Variants in VAV1 observed in about 807,000 individuals in gnomAD.
VAV1 encodes the protein proto-oncogene vav.
In VAV1, 33 loss-of-function variants were observed where a neutral mutation model predicts 128.1. That is an observed-to-expected ratio of 0.26 (90% CI 0.20 to 0.34). The LOEUF (loss-of-function observed/expected upper bound fraction) is 0.34. VAV1 is among the 10% of genes least tolerant of loss of function. The pLI is 1.00. For synonymous variants in VAV1, 394 were observed against 409.8 expected (o/e 0.96, Z 0.47); for missense variants, 715 against 1,093.7 (o/e 0.65, Z 4.88).
chr19:6,786,458 C>T (rs193256963), intron 1 of VAV1, among the ~76,000 whole-genome samples: 96 of 151,652 alleles, frequency 6.3e-4, no homozygotes, highest in East Asian at 2.1e-3. Context: ...CAAGCCCGTC[C>T]CTGTAAAATA....
intron 14 of VAV1, among the ~76,000 whole-genome samples, chr19:6,831,601 C>T (rs1189841025): frequency 2.0e-5 from 3 of 152,286 alleles, no homozygotes; most frequent in Admixed American, 6.5e-5. Flanking sequence ...TGTAAGCCAC[C>T]GCGCCCGGCT....
intron 23 of VAV1, 22 bp from the exon 24 acceptor site, chr19:6,850,648 C>T: frequency 6.2e-7 from 1 of 1,609,350 alleles, no homozygotes. Context: ...AGACTCAGGG[C>T]CCGGTGACCA....
intron 1 of VAV1, among the ~76,000 whole-genome samples, chr19:6,791,163 C>T (rs748233422): frequency 1.3e-5 from 2 of 152,216 alleles, no homozygotes; most frequent in African/African-American, 4.8e-5. Context: ...AATATCTCCT[C>T]ATCTTGAAGT....
chr19:6,816,242 G>A (rs935081129), intron 1 of VAV1, among the ~76,000 whole-genome samples: 4 of 151,912 alleles, frequency 2.6e-5, no homozygotes, highest in African/African-American at 7.3e-5. Flanking sequence ...GGATGGTCTC[G>A]ATCTCCTGAC....
intron 19 of VAV1, 52 bp from the exon 20 acceptor site, chr19:6,836,380 G>C (rs896784247): frequency 1.3e-6 from 2 of 1,573,638 alleles, no homozygotes; most frequent in African/African-American, 2.7e-5. Context: ...GCAAGATTCA[G>C]GGTTGAAAGT....
At chr19:6,825,446 C>T (rs1971896202) in intron 8 of VAV1, 40 bp downstream of exon 8, 1 of 1,559,714 alleles carries the variant, frequency 6.4e-7, no homozygotes, top group Non-Finnish European at 8.8e-7. Context: ...TGGGGTCACT[C>T]TGTCTTGCCT....
intron 1 of VAV1, among the ~76,000 whole-genome samples, chr19:6,819,784 G>A (rs78261929): frequency 0.048 from 7,313 of 152,288 alleles, 251 homozygotes; most frequent in Middle Eastern, 0.092. Flanking sequence ...GAATTCTTCA[G>A]GATCTGGGGA....
chr19:6,843,109 G>C, intron 21 of VAV1, 26 bp from the exon 22 acceptor site: 1 of 1,613,766 alleles, frequency 6.2e-7, no homozygotes, highest in Non-Finnish European at 8.5e-7. Context: ...TTTACACTAA[G>C]TTGGGGTCTC....
chr19:6,852,702 C>T (rs1010670569), intron 24 of VAV1, among the ~76,000 whole-genome samples: 3 of 148,142 alleles, frequency 2.0e-5, no homozygotes, highest in African/African-American at 7.8e-5. Context: ...GCCTGGGCGA[C>T]AGAGCCAGAC....
intron 1 of VAV1, among the ~76,000 whole-genome samples, chr19:6,804,879 A>T (rs1436108343): frequency 2.6e-5 from 4 of 151,614 alleles, no homozygotes; most frequent in African/African-American, 9.7e-5. Context: ...GCCCGCCACC[A>T]TGCCCGGCTA....
intron 1 of VAV1, among the ~76,000 whole-genome samples, chr19:6,801,609 A>G (rs1363652108): frequency 6.6e-6 from 1 of 152,050 alleles, no homozygotes. Context: ...GGTTGAACGC[A>G]AAGGGCCCCT....
At chr19:6,846,786 C>A (rs1972532452) in intron 22 of VAV1, among the ~76,000 whole-genome samples, 1 of 146,504 alleles carries the variant, frequency 6.8e-6, no homozygotes, top group Non-Finnish European at 1.5e-5. Context: ...TAACATATAG[C>A]TATCTACAAT....
chr19:6,795,461 G>C (rs4807900), intron 1 of VAV1, among the ~76,000 whole-genome samples: 1 of 151,568 alleles, frequency 6.6e-6, no homozygotes, highest in Non-Finnish European at 1.5e-5. Context: ...CACCCAGGGC[G>C]TAGTTCTTTT....
intron 23 of VAV1, among the ~76,000 whole-genome samples, chr19:6,848,633 C>T (rs1300324330): frequency 6.6e-6 from 1 of 151,946 alleles, no homozygotes; most frequent in Non-Finnish European, 1.5e-5. Context: ...GAACTCCTGA[C>T]CTCAAGTGAT....
intron 22 of VAV1, among the ~76,000 whole-genome samples, chr19:6,846,940 G>A (rs1972537785): frequency 1.4e-5 from 2 of 146,816 alleles, no homozygotes; most frequent in Admixed American, 6.8e-5. Flanking sequence ...TGGAGACAGA[G>A]TTTCGCACTG....
intron 1 of VAV1, among the ~76,000 whole-genome samples, chr19:6,809,123 C>T (rs1026985830): frequency 1.3e-5 from 2 of 150,756 alleles, no homozygotes; most frequent in African/African-American, 4.9e-5. Context: ...TCTTGTCGCC[C>T]AAGCTGGGGT....
At chr19:6,776,792 C>A (rs1970653749) in intron 1 of VAV1, among the ~76,000 whole-genome samples, 1 of 151,724 alleles carries the variant, frequency 6.6e-6, no homozygotes, top group Non-Finnish European at 1.5e-5. Context: ...GCGTCTCACT[C>A]TGTCACCCAG....
At position 6,801,954 on chromosome 19, in the gene VAV1, A is replaced by C. The variant is rs890821332; in HGVS notation, c.205-18748A>C. Reference sequence around the variant, plus strand: ...TTGCATATGGGCACGATGCCAGCACAGTGGGTGCCCGCCTCTTCCTGGAGG... The same window carrying C: ...TTGCATATGGGCACGATGCCAGCACCGTGGGTGCCCGCCTCTTCCTGGAGG... On this transcript the variant is annotated intron_variant, in intron 1 of 26. Coordinates refer to ENST00000602142, the MANE Select transcript of VAV1 (RefSeq NM_005428.4). Among the ~76,000 whole-genome samples, 7 of 152,254 alleles carry C rather than the reference A, an allele frequency of 4.6e-5. No homozygotes were observed. The South Asian group carries it at 1.4e-3, about 32-fold the overall frequency.
chr19:6,796,340 T>C (rs1971135202), intron 1 of VAV1, among the ~76,000 whole-genome samples: 1 of 139,084 alleles, frequency 7.2e-6, no homozygotes, highest in South Asian at 2.2e-4. Context: ...TGGCAGAATA[T>C]GGGGTGCTTG....
Sources: allele counts gnomAD v4.1 joint callset (sites outside exome capture counted in the v4.1 genomes callset), GRCh38; gene constraint gnomAD v4.1.1; transcripts MANE v1.5; gene names NCBI Gene and HGNC (gene_info 2026-07-23, HGNC 2026-07-21).